Variants in MYH4 observed in about 807,000 individuals in gnomAD.
MYH4 encodes the protein myosin-4.
A neutral mutation model predicts 229.9 loss-of-function variants in MYH4; 200 were observed. The observed-to-expected ratio is 0.87, with a 90% CI of 0.78 to 0.98. MYH4 has a LOEUF of 0.98. MYH4 is among the 50% of genes least tolerant of loss of function. The pLI is 0.00. For missense variants in MYH4, 2,148 were observed against 2,332.6 expected (o/e 0.92, Z 1.63); for synonymous variants, 761 against 834.6 (o/e 0.91, Z 1.52).
intron 33 of MYH4, 95 bp downstream of exon 33, chr17:10,448,301 G>A: frequency 7.1e-7 from 1 of 1,409,920 alleles, no homozygotes; most frequent in Admixed American, 2.5e-5. Flanking sequence ...AATTACTTGT[G>A]TTATTCCCTA....
At chr17:10,460,180 C>CA in intron 13 of MYH4, 23 bp downstream of exon 13, 1 of 1,613,458 alleles carries the variant, frequency 6.2e-7, no homozygotes, top group Non-Finnish European at 8.5e-7. Context: ...TCAAATAAAT[C>CA]AGACAATTTA....
intron 16 of MYH4, among the ~76,000 whole-genome samples, chr17:10,456,834 G>A (rs1257641610): frequency 1.3e-5 from 2 of 152,232 alleles, no homozygotes; most frequent in Non-Finnish European, 2.9e-5. Context: ...CTCCAAGTCA[G>A]CAATGTCTGT....
At chr17:10,461,376 C>G (rs546338818) in intron 11 of MYH4, among the ~76,000 whole-genome samples, 1 of 152,102 alleles carries the variant, frequency 6.6e-6, no homozygotes. Context: ...TCCACCCCAG[C>G]CCCCCTTTGC....
chr17:10,455,343 A>G (rs2142220782), intron 19 of MYH4, 48 bp from the exon 20 acceptor site: 1 of 1,561,906 alleles, frequency 6.4e-7, no homozygotes, highest in East Asian at 2.2e-5. Flanking sequence ...TTCACTGAAA[A>G]AAACAGTAGA....
chr17:10,455,994 G>C (rs141032718), intron 17 of MYH4, 93 bp from the exon 18 acceptor site: 2 of 1,501,000 alleles, frequency 1.3e-6, no homozygotes, highest in East Asian at 4.5e-5. Context: ...ACATTTTAAT[G>C]AGCTGTCTCA....
intron 7 of MYH4, among the ~76,000 whole-genome samples, chr17:10,464,015 T>G (rs756941616): frequency 2.6e-5 from 4 of 152,194 alleles, no homozygotes; most frequent in Non-Finnish European, 5.9e-5. Context: ...GTTAAAAAAA[T>G]TAACCTTTAT....
intron 21 of MYH4, 57 bp downstream of exon 21, chr17:10,454,884 T>C: frequency 6.2e-7 from 1 of 1,611,072 alleles, no homozygotes; most frequent in South Asian, 1.1e-5. Flanking sequence ...AAGTAATGAC[T>C]GCAGTGGATT....
At chr17:10,457,365 A>G in intron 16 of MYH4, 55 bp downstream of exon 16, 1 of 1,518,544 alleles carries the variant, frequency 6.6e-7, no homozygotes, top group Non-Finnish European at 8.8e-7. Context: ...TCTCTGTTGA[A>G]CAGTGTATAT....
chr17:10,455,349 G>A, intron 19 of MYH4, 54 bp from the exon 20 acceptor site: 1 of 1,551,124 alleles, frequency 6.4e-7, no homozygotes, highest in Non-Finnish European at 8.8e-7. Flanking sequence ...GAAAAAAACA[G>A]TAGAACATTT....
Position 10,466,702 on chromosome 17 carries a change from G to A in MYH4, c.44C>T (p.Pro15Leu). 1 of 1,614,190 alleles carries A rather than the reference G, an allele frequency of 6.2e-7. No individual in the cohort carries two copies. The highest frequency in any genetic ancestry group is 8.5e-7 in the Non-Finnish European group (1 of 1,180,040). The change falls in exon 3 of 40, where the codon CCT (proline) becomes CTT (leucine). Residue 15 changes from proline (P) to leucine (L), a missense_variant. Transcript: ENST00000255381. ...CTCCTTTTCAGACTTTCGGAGGAAA[G>A]GAGCAGCCTCCCCAAAAATGGCCAT... ...SEMAIFGEAA[P>L]FLRKSEKERI...
At chr17:10,459,532 A>G (rs1374061666) in intron 14 of MYH4, 111 bp from the exon 15 acceptor site, 1 of 1,545,012 alleles carries the variant, frequency 6.5e-7, no homozygotes, top group Non-Finnish European at 8.8e-7. Flanking sequence ...TAAATTATAA[A>G]CCTTCAGATT....
chr17:10,452,490 T>G lies in MYH4; in HGVS notation c.3274A>C (p.Ser1092Arg), dbSNP rs778641189. The part of the protein sequence containing the change: ...EKLKKKEFEM[S>R]NLQGKIEDEQ... ...TCTTCAATCTTGCCTTGCAGATTGC[T>G]CATTTCAAACTCTTTCCTATTAGAA... Residue 1092 changes from serine to arginine, a missense_variant, in exon 26 of 40, where the codon AGC becomes CGC. Ser to Arg is a moderately radical substitution (Grantham distance 110, BLOSUM62 -1). Coordinates refer to ENST00000255381, the MANE Select transcript of MYH4 (RefSeq NM_017533.2). 1 of 1,614,008 alleles carries G rather than the reference T, an allele frequency of 6.2e-7. No individual in the cohort carries two copies.
At position 10,451,467 on chromosome 17, in the gene MYH4, AGAAAACAG is replaced by A; in HGVS notation, c.3739-23_3739-16del. ...TCAAAGTTTGCCTGGGGTGAGAGGT[AGAAAACAG>A]GAAGAGACAATACATTTTTATTCTA... On this transcript the variant is annotated splice_polypyrimidine_tract_variant and intron_variant, in intron 27 of 39. Coordinates refer to ENST00000255381, the MANE Select transcript of MYH4 (RefSeq NM_017533.2). 6.2e-7 allele frequency: 1 copy of A among 1,611,648 alleles called. No individual in the cohort carries two copies. The highest frequency in any genetic ancestry group is 8.5e-7 in the Non-Finnish European group (1 of 1,179,036).
chr17:10,447,674 TTG>T, intron 34 of MYH4, 142 bp downstream of exon 34: 3 of 813,658 alleles, frequency 3.7e-6, no homozygotes, highest in Non-Finnish European at 5.8e-6. Context: ...TCTTTTTCAG[TTG>T]TGTGTGTATA....
In MYH4 at chr17:10,454,756, G is replaced by T. The variant is rs1357287026; in HGVS notation, c.2490C>A (p.His830Gln). ...TGAAATACAGCTTCATCCAGGGCCAGTGCTTCACATTCATGAAAGCACGGA... is the reference window on the plus strand; with the variant it reads ...TGAAATACAGCTTCATCCAGGGCCATTGCTTCACATTCATGAAAGCACGGA... ...YNIRAFMNVK[H>Q]WPWMKLYFKI... is the part of the protein sequence containing the mutation. The change falls in exon 22 of 40, where the codon CAC (histidine) becomes CAA (glutamine). Residue 830 changes from histidine to glutamine, a missense_variant. Coordinates refer to ENST00000255381, the MANE Select transcript of MYH4 (RefSeq NM_017533.2). 7 of 1,614,076 alleles carry T rather than the reference G, an allele frequency of 4.3e-6. No homozygotes were observed. The highest frequency in any genetic ancestry group is 5.1e-6 in the Non-Finnish European group (6 of 1,180,056).
rs1233297940 is a variant in MYH4, at chr17:10,456,503, T to G, written c.1950A>C (p.Thr650=). 1 of 1,613,886 alleles carries G rather than the reference T, an allele frequency of 6.2e-7. No homozygotes were observed. Among genetic ancestry groups the G allele is most frequent in the Admixed American group, 1.7e-5 (1 of 60,014 alleles). Reference sequence around the variant, plus strand: ...ACTGTACCCTGAAAAGAGCTGACACTGTCTGGAAAGAAGAACCCTTCTTTT... The same window carrying G: ...ACTGTACCCTGAAAAGAGCTGACACGGTCTGGAAAGAAGAACCCTTCTTTT... ...GGKKKGSSFQ[T]VSALFRENLN... Residue 650 remains threonine, a synonymous_variant, in exon 17 of 40, where the codon ACA becomes ACC. Transcript: ENST00000255381.
chr17:10,462,813 T>C (rs2072716555), intron 11 of MYH4, 52 bp downstream of exon 11: 3 of 1,429,204 alleles, frequency 2.1e-6, no homozygotes, highest in Non-Finnish European at 2.0e-6. Flanking sequence ...GAGGAGAGTG[T>C]TGTACACTGG....
In MYH4 at chr17:10,443,488, G is replaced by A; in HGVS notation, c.5707C>T (p.Leu1903Phe). The change falls in exon 40 of 40, where the codon CTC (leucine) becomes TTC (phenylalanine). Residue 1903 changes from leucine (L) to phenylalanine (F), a missense_variant. By Grantham distance (22) the Leu-to-Phe change is conservative. Transcript: ENST00000255381. The surrounding 1 kb of genome is among the most constrained non-coding windows in gnomAD (Gnocchi z 4.6). ...SNVNLAKFRK[L>F]QHELEEAKER... The stretch of plus-strand genomic sequence containing the variant: ...TTGGCCTCCTCCAGCTCGTGCTGGA[G>A]CTTGCGGAACTTGGCAAGGTTGACA... 1 of 1,614,082 alleles carries A rather than the reference G, an allele frequency of 6.2e-7. No homozygotes were observed. The highest frequency in any genetic ancestry group is 8.5e-7 in the Non-Finnish European group (1 of 1,179,958).
In MYH4 at chr17:10,449,026, C is replaced by A. The variant is rs185283248; in HGVS notation, c.4203G>T (p.Leu1401=). ...EEAKKKLAQR[L]QDAEEHVEAV... The stretch of plus-strand genomic sequence containing the variant: ...CTTCTACATGTTCTTCTGCATCCTG[C>A]AGACGCTGGGCTAGCTTCTTCCTGA... Residue 1401 remains leucine (L), a synonymous_variant, in exon 31 of 40, where the codon CTG becomes CTT. Transcript: ENST00000255381. 1 of 1,613,982 alleles carries A rather than the reference C, an allele frequency of 6.2e-7. No individual in the cohort carries two copies. Among genetic ancestry groups the A allele is most frequent in the Non-Finnish European group, 8.5e-7 (1 of 1,180,004 alleles).
Sources: gnomAD v4.1 joint callset for allele counts (sites outside exome capture counted in the v4.1 genomes callset) on GRCh38, gnomAD v4.1.1 for gene constraint, Gnocchi (gnomAD v3.1) non-coding constraint, MANE v1.5 for transcripts, NCBI Gene and HGNC (gene_info 2026-07-23, HGNC 2026-07-21) for gene names.